Variants in AGBL4 observed in about 807,000 individuals in gnomAD.
AGBL4 encodes the protein cytosolic carboxypeptidase 6.
A neutral mutation model predicts 66.4 loss-of-function variants in AGBL4; 58 were observed. The observed-to-expected ratio is 0.87, with a 90% CI of 0.71 to 1.09. The LOEUF (loss-of-function observed/expected upper bound fraction) is 1.09, where lower values mean the gene tolerates loss of function less well. Among genes scored for constraint, AGBL4 ranks in the 50% least tolerant of loss-of-function variants. The pLI, the probability that AGBL4 is intolerant of heterozygous loss-of-function variation, is 0.00. For synonymous variants in AGBL4, 234 were observed against 222.9 expected (o/e 1.05, Z -0.44); for missense variants, 579 against 631.0 (o/e 0.92, Z 0.88).
intron 6 of AGBL4, among the ~76,000 whole-genome samples, chr1:48,702,642 G>T (rs1306284356): frequency 6.6e-6 from 1 of 152,088 alleles, no homozygotes; most frequent in African/African-American, 2.4e-5. Context: ...TAAGCATGCA[G>T]CACAACAGGA....
At chr1:49,837,406 A>C (rs866787803) in intron 2 of AGBL4, among the ~76,000 whole-genome samples, 42 of 152,340 alleles carry the variant, frequency 2.8e-4, no homozygotes, top group Middle Eastern at 6.8e-3. Context: ...TTAAGTCTGT[A>C]TACATAAACT....
At chr1:49,921,476 A>T (rs530686920) in intron 1 of AGBL4, among the ~76,000 whole-genome samples, 1 of 152,114 alleles carries the variant, frequency 6.6e-6, no homozygotes, top group African/African-American at 2.4e-5. Flanking sequence ...GTATATTTGA[A>T]AGGGAGTTTA....
At chr1:49,157,296 T>C (rs1484450018) in intron 4 of AGBL4, among the ~76,000 whole-genome samples, 3 of 146,794 alleles carry the variant, frequency 2.0e-5, no homozygotes, top group African/African-American at 7.4e-5. Context: ...CATGTTCTCA[T>C]TGTTCAACTC....
intron 8 of AGBL4, among the ~76,000 whole-genome samples, chr1:48,648,865 T>C (rs182861425): frequency 2.0e-5 from 3 of 152,288 alleles, no homozygotes; most frequent in African/African-American, 7.2e-5. Flanking sequence ...CACAACAACA[T>C]ACAGCTAAAA....
At chr1:49,418,991 T>A (rs1374015649) in intron 3 of AGBL4, among the ~76,000 whole-genome samples, 1 of 152,168 alleles carries the variant, frequency 6.6e-6, no homozygotes, top group Admixed American at 6.5e-5. Flanking sequence ...AGAAGACTAT[T>A]AAACTAGCCC....
At chr1:48,797,172 C>T (rs1645699134) in intron 6 of AGBL4, among the ~76,000 whole-genome samples, 1 of 152,108 alleles carries the variant, frequency 6.6e-6, no homozygotes, top group African/African-American at 2.4e-5. Flanking sequence ...ACCCAAAAAC[C>T]CTTGTTCCCA....
At chr1:49,852,313 TC>T (rs1646323341) in intron 1 of AGBL4, among the ~76,000 whole-genome samples, 1 of 152,106 alleles carries the variant, frequency 6.6e-6, no homozygotes, top group Admixed American at 6.5e-5. Flanking sequence ...TAATGCTGGG[TC>T]CCATACAAAT....
At chr1:49,459,310 A>G (rs373518172) in intron 3 of AGBL4, among the ~76,000 whole-genome samples, 1 of 151,652 alleles carries the variant, frequency 6.6e-6, no homozygotes, top group East Asian at 1.9e-4. Context: ...CAGAGTTTCT[A>G]TATCTTCCTG....
intron 1 of AGBL4, among the ~76,000 whole-genome samples, chr1:49,857,726 C>T (rs1057315118): frequency 6.6e-6 from 1 of 152,002 alleles, no homozygotes; most frequent in African/African-American, 2.4e-5. Context: ...AAAATCAACT[C>T]AATGTGAATT....
intron 3 of AGBL4, among the ~76,000 whole-genome samples, chr1:49,575,882 C>A (rs573906823): frequency 6.6e-6 from 1 of 152,180 alleles, no homozygotes; most frequent in African/African-American, 2.4e-5. Context: ...TTTGGAGAGA[C>A]CTTCATCGCT....
At chr1:48,676,812 A>G (rs1269562857) in intron 6 of AGBL4, among the ~76,000 whole-genome samples, 1 of 152,128 alleles carries the variant, frequency 6.6e-6, no homozygotes, top group Admixed American at 6.5e-5. Flanking sequence ...GCTTTGTAAA[A>G]ATACTGATGC....
intron 9 of AGBL4, among the ~76,000 whole-genome samples, chr1:48,602,214 G>A (rs1369183385): frequency 6.6e-6 from 1 of 152,042 alleles, no homozygotes; most frequent in African/African-American, 2.4e-5. Context: ...GTCTATGCCA[G>A]GATTTTTCTT....
chr1:49,485,296 T>C (rs977033165), intron 3 of AGBL4, among the ~76,000 whole-genome samples: 4 of 151,912 alleles, frequency 2.6e-5, no homozygotes, highest in Non-Finnish European at 5.9e-5. Flanking sequence ...GATGAGTTCA[T>C]GTCCTTTGTA....
chr1:49,648,727 GA>G (rs1319175730), intron 3 of AGBL4, among the ~76,000 whole-genome samples: 5 of 150,228 alleles, frequency 3.3e-5, no homozygotes, highest in South Asian at 2.1e-4. Context: ...AAAGTGTGGA[GA>G]AAAAAAACTA....
At chr1:49,771,804 C>A (rs950613676) in intron 2 of AGBL4, among the ~76,000 whole-genome samples, 1 of 151,936 alleles carries the variant, frequency 6.6e-6, no homozygotes, top group Non-Finnish European at 1.5e-5. Context: ...ATAAGTATGG[C>A]TACTCTTGCC....
intron 6 of AGBL4, among the ~76,000 whole-genome samples, chr1:48,790,491 G>A (rs1645523809): frequency 6.6e-6 from 1 of 152,066 alleles, no homozygotes; most frequent in Non-Finnish European, 1.5e-5. Context: ...AGATTCTATA[G>A]AATGAGGAAA....
intron 2 of AGBL4, among the ~76,000 whole-genome samples, chr1:49,758,165 G>T (rs749265687): frequency 2.0e-5 from 3 of 152,198 alleles, no homozygotes; most frequent in Non-Finnish European, 2.9e-5. Flanking sequence ...TCCACATGAT[G>T]TTAGTCCTGC....
At chr1:49,949,132 T>A (rs1341826795) in intron 1 of AGBL4, among the ~76,000 whole-genome samples, 1 of 151,690 alleles carries the variant, frequency 6.6e-6, no homozygotes, top group African/African-American at 2.4e-5. Flanking sequence ...GATAATTGGC[T>A]AGCCACATGT....
At chr1:49,962,816 G>T (rs940371724) in intron 1 of AGBL4, among the ~76,000 whole-genome samples, 5 of 152,202 alleles carry the variant, frequency 3.3e-5, no homozygotes, top group African/African-American at 1.2e-4. Context: ...AGCTAAAGAG[G>T]ACCTATAAGA....
Sources: gnomAD v4.1 joint callset for allele counts (sites outside exome capture counted in the v4.1 genomes callset) on GRCh38, gnomAD v4.1.1 for gene constraint, MANE v1.5 for transcripts, NCBI Gene and HGNC (gene_info 2026-07-23, HGNC 2026-07-21) for gene names.